SETBP1: variants seen among roughly 807,000 people sequenced by gnomAD.
SETBP1 encodes SET-binding protein.
In SETBP1, 9 loss-of-function variants were observed where a neutral mutation model predicts 101.0. The ratio of observed to expected loss-of-function variants is 0.09; its 90% CI spans 0.05 to 0.16. SETBP1 has a LOEUF of 0.16. Ranked by LOEUF, SETBP1 falls within the 10% of genes least tolerant of loss-of-function variation. The pLI is 1.00. For synonymous variants in SETBP1, 818 were observed against 788.5 expected (o/e 1.04, Z -0.63); for missense variants, 1,858 against 2,033.8 (o/e 0.91, Z 1.66).
intron 2 of SETBP1, among the ~76,000 whole-genome samples, chr18:44,858,203 G>T (rs184084356): frequency 2.4e-4 from 37 of 152,340 alleles, no homozygotes; most frequent in South Asian, 4.1e-4. Context: ...ATCTTTAGAA[G>T]CTGTGGCAGA....
intron 3 of SETBP1, 35 bp from the exon 4 acceptor site, chr18:44,949,846 C>G (rs1568232968): frequency 1.3e-6 from 2 of 1,502,872 alleles, no homozygotes; most frequent in Non-Finnish European, 9.2e-7. Context: ...TTCTCTCTCT[C>G]TGTCTCTCTC....
At chr18:44,881,078 G>A (rs1461656165) in intron 3 of SETBP1, among the ~76,000 whole-genome samples, 1 of 152,088 alleles carries the variant, frequency 6.6e-6, no homozygotes, top group East Asian at 1.9e-4. Flanking sequence ...ATGCTTTCTG[G>A]CCTTGGGATC....
intron 3 of SETBP1, among the ~76,000 whole-genome samples, chr18:44,908,096 T>C (rs2070218452): frequency 1.3e-5 from 2 of 152,138 alleles, no homozygotes; most frequent in African/African-American, 4.8e-5. Context: ...AGTCTTGCTC[T>C]GACACCTGGG....
chr18:44,941,027 A>T (rs2071077306), intron 3 of SETBP1, among the ~76,000 whole-genome samples: 1 of 147,242 alleles, frequency 6.8e-6, no homozygotes, highest in African/African-American at 2.5e-5. Context: ...TACTTTAAAG[A>T]TGTTGGCTCA....
At chr18:44,869,081 C>G in intron 2 of SETBP1, 149 bp from the exon 3 acceptor site, 1 of 721,590 alleles carries the variant, frequency 1.4e-6, no homozygotes, top group Non-Finnish European at 2.5e-6. Flanking sequence ...CCTAGATTCC[C>G]AGTCCAGAAA....
At position 44,812,989 on chromosome 18, in the gene SETBP1, C is replaced by T. The variant is rs549750651; in HGVS notation, c.487-56241C>T. Reference sequence around the variant, plus strand: ...ATCAGAGGTCTCTTTGGGGCCACATCAGTGACATGTTCATTCTGAGAATCA... The same window carrying T: ...ATCAGAGGTCTCTTTGGGGCCACATTAGTGACATGTTCATTCTGAGAATCA... On this transcript the variant is annotated intron_variant, in intron 2 of 5. Coordinates refer to ENST00000649279, the MANE Select transcript of SETBP1 (RefSeq NM_015559.3). Among the ~76,000 whole-genome samples the T allele has an allele frequency of 7.2e-5, 11 of 152,098 alleles. No individual in the cohort carries two copies. In the South Asian group the frequency reaches 2.3e-3, roughly 32 times the overall value.
intron 4 of SETBP1, among the ~76,000 whole-genome samples, chr18:44,964,806 C>T (rs1451510202): frequency 6.6e-6 from 1 of 152,192 alleles, no homozygotes; most frequent in Non-Finnish European, 1.5e-5. Flanking sequence ...AGGCCACACC[C>T]TGTCCTTTGC....
chr18:44,788,639 A>C (rs1247809859), intron 2 of SETBP1, among the ~76,000 whole-genome samples: 1 of 152,132 alleles, frequency 6.6e-6, no homozygotes, highest in Non-Finnish European at 1.5e-5. Flanking sequence ...AAACACTCCT[A>C]AGAAGGGAGC....
intron 3 of SETBP1, among the ~76,000 whole-genome samples, chr18:44,903,320 T>A (rs961334706): frequency 2.0e-5 from 3 of 152,230 alleles, no homozygotes; most frequent in African/African-American, 7.2e-5. Flanking sequence ...ACACAAGGAG[T>A]TCAGGGCATT....
chr18:44,842,609 T>C (rs2072639463), intron 2 of SETBP1, among the ~76,000 whole-genome samples: 1 of 152,132 alleles, frequency 6.6e-6, no homozygotes, highest in Non-Finnish European at 1.5e-5. Context: ...CTGGTTTTGG[T>C]TGGGAGTCCT....
chr18:45,028,074 G>A (rs961371768), intron 4 of SETBP1, among the ~76,000 whole-genome samples: 5 of 151,268 alleles, frequency 3.3e-5, no homozygotes, highest in African/African-American at 9.7e-5. Flanking sequence ...GGTTAGTTAC[G>A]TATGTATACG....
intron 5 of SETBP1, among the ~76,000 whole-genome samples, chr18:45,048,092 T>C (rs1337929675): frequency 3.3e-5 from 5 of 152,186 alleles, no homozygotes; most frequent in Non-Finnish European, 7.3e-5. Context: ...ACTCAGAAAC[T>C]TGGACTCTTT....
At chr18:44,787,647 G>A (rs1179909445) in intron 2 of SETBP1, among the ~76,000 whole-genome samples, 1 of 149,960 alleles carries the variant, frequency 6.7e-6, no homozygotes, top group Non-Finnish European at 1.5e-5. Flanking sequence ...GAGGTCAGGA[G>A]ATCGAGACCA....
At chr18:44,791,510 G>A in intron 2 of SETBP1, among the ~76,000 whole-genome samples, 1 of 152,164 alleles carries the variant, frequency 6.6e-6, no homozygotes, top group African/African-American at 2.4e-5. Flanking sequence ...GAGGAGACTT[G>A]CATCTCTCAG....
At chr18:44,725,269 G>T (rs534722657) in intron 2 of SETBP1, among the ~76,000 whole-genome samples, 1 of 152,172 alleles carries the variant, frequency 6.6e-6, no homozygotes, top group African/African-American at 2.4e-5. Context: ...CACAGTTTGG[G>T]GAATAATTTC....
At chr18:44,817,109 A>G (rs1392679310) in intron 2 of SETBP1, among the ~76,000 whole-genome samples, 2 of 152,210 alleles carry the variant, frequency 1.3e-5, no homozygotes, top group Non-Finnish European at 2.9e-5. Context: ...TCCTAAACCT[A>G]GAAGGCTTGG....
intron 4 of SETBP1, among the ~76,000 whole-genome samples, chr18:45,034,779 A>G (rs992011044): frequency 6.6e-6 from 1 of 152,226 alleles, no homozygotes; most frequent in African/African-American, 2.4e-5. Flanking sequence ...CAAGGGTGCT[A>G]TCCATACAGT....
At chr18:44,979,744 A>G (rs563527611) in intron 4 of SETBP1, among the ~76,000 whole-genome samples, 21 of 152,360 alleles carry the variant, frequency 1.4e-4, no homozygotes, top group Non-Finnish European at 2.6e-4. Context: ...GAAACGAAAT[A>G]TGGTCAAGGC....
chr18:44,763,646 T>G (rs928708668), intron 2 of SETBP1, among the ~76,000 whole-genome samples: 1 of 152,244 alleles, frequency 6.6e-6, no homozygotes, highest in South Asian at 2.1e-4. Flanking sequence ...GGTACTCTTC[T>G]AATTATGCTG....
Sources: gnomAD v4.1 joint callset for allele counts (sites outside exome capture counted in the v4.1 genomes callset) on GRCh38, gnomAD v4.1.1 for gene constraint, MANE v1.5 for transcripts, NCBI Gene and HGNC (gene_info 2026-07-23, HGNC 2026-07-21) for gene names.